The following METTL13 variants were observed in gnomAD, a reference collection of about 807,000 sequenced individuals.
METTL13 encodes the protein methyltransferase 13, eEF1A N-terminus and K55.
Under a neutral mutation model 67.4 loss-of-function variants are expected in METTL13, and 52 were observed. That is an observed-to-expected ratio of 0.77 (90% CI 0.62 to 0.97). METTL13 has a LOEUF of 0.97. METTL13 is among the 50% of genes least tolerant of loss of function. The probability of loss-of-function intolerance (pLI) is 0.00; values close to 1 mark genes in which losing one functional copy is unlikely to be tolerated. For synonymous variants in METTL13, 354 were observed against 353.6 expected, an observed-to-expected ratio of 1.00 and a Z score of -0.01; for missense variants, 825 against 889.6, an observed-to-expected ratio of 0.93 and a Z score of 0.92.
chr1:171,794,187 A>G (rs192797806), intron 6 of METTL13, among the ~76,000 whole-genome samples: 1 of 152,170 alleles, frequency 6.6e-6, no homozygotes, highest in Non-Finnish European at 1.5e-5. Context: ...AGAAGGTTCC[A>G]TCTTTACTAT....
At chr1:171,788,069 T>A in intron 4 of METTL13, 139 bp downstream of exon 4, 1 of 760,172 alleles carries the variant, frequency 1.3e-6, no homozygotes, top group Non-Finnish European at 2.2e-6. Context: ...TGTGAATAGC[T>A]ATAAGCAGAG....
rs772025024 is a variant in METTL13 at position 171,784,029 on chromosome 1, G to A, written c.443G>A (p.Arg148His). 16 of 1,614,090 alleles carry A rather than the reference G, an allele frequency of 9.9e-6. No individual in the cohort carries two copies. In the East Asian group the frequency reaches 1.1e-4, roughly 11 times the overall value. Residue 148 changes from arginine to histidine, a missense_variant, in exon 2 of 8, where the codon CGT becomes CAT. Coordinates refer to ENST00000361735, the MANE Select transcript of METTL13 (RefSeq NM_015935.5). ...QVDRMLAEVGRVLQVGGRYLC... is the reference protein window; with the variant it reads ...QVDRMLAEVGHVLQVGGRYLC... Reference sequence around the variant, plus strand: ...GACAGGATGCTGGCTGAGGTTGGCCGTGTCCTGCAGGTGGGCGGTCGCTAT... The same window carrying A: ...GACAGGATGCTGGCTGAGGTTGGCCATGTCCTGCAGGTGGGCGGTCGCTAT...
intron 4 of METTL13, among the ~76,000 whole-genome samples, chr1:171,789,948 G>T (rs576923826): frequency 3.9e-5 from 6 of 152,296 alleles, no homozygotes; most frequent in African/African-American, 1.4e-4. Flanking sequence ...GAATACCTGA[G>T]ACTGGATAAT....
rs745539182 is a variant in METTL13 at position 171,781,974 on chromosome 1, C to G, written c.7C>G (p.Leu3Val). Residue 3 changes from leucine (L) to valine (V), a missense_variant, in exon 1 of 8, where the codon CTC becomes GTC. Coordinates refer to ENST00000361735, the MANE Select transcript of METTL13 (RefSeq NM_015935.5). The part of the protein sequence containing the change: MN[L>V]LPKSSREFGS... ...CAGCTTCGGCAGTAGGAACATGAACCTCTTACCTAAAAGTTCCAGGGAGTT... is the reference window on the plus strand; with the variant it reads ...CAGCTTCGGCAGTAGGAACATGAACGTCTTACCTAAAAGTTCCAGGGAGTT... 1 of 1,614,116 alleles carries G rather than the reference C, an allele frequency of 6.2e-7. No individual in the cohort carries two copies. Among genetic ancestry groups the G allele is most frequent in the Non-Finnish European group, 8.5e-7 (1 of 1,180,012 alleles).
At chr1:171,786,196 G>T in intron 3 of METTL13, 118 bp downstream of exon 3, 1 of 1,125,180 alleles carries the variant, frequency 8.9e-7, no homozygotes, top group South Asian at 1.6e-5. Context: ...TCTAATCCTG[G>T]AGGGGTATCA....
At chr1:171,787,129 C>G (rs972947008) in intron 3 of METTL13, among the ~76,000 whole-genome samples, 3 of 151,914 alleles carry the variant, frequency 2.0e-5, no homozygotes, top group Non-Finnish European at 2.9e-5. Context: ...CTCACCAGTG[C>G]CTGAGTCTGC....
intron 3 of METTL13, 123 bp downstream of exon 3, chr1:171,786,201 G>C: frequency 1.9e-6 from 2 of 1,079,316 alleles, no homozygotes; most frequent in South Asian, 1.7e-5. Context: ...TCCTGGAGGG[G>C]TATCAGCAGC....
chr1:171,795,311 C>T (rs928632404), intron 7 of METTL13, among the ~76,000 whole-genome samples: 2 of 152,314 alleles, frequency 1.3e-5, no homozygotes, highest in East Asian at 3.9e-4. Context: ...ATAAGTGGTG[C>T]TGCCATTAAC....
At position 171,790,622 on chromosome 1, in the gene METTL13, A is replaced by G; in HGVS notation, c.1474+6A>G. 3 of 1,527,356 alleles carry G rather than the reference A, an allele frequency of 2.0e-6. No homozygotes were observed. The highest frequency in any genetic ancestry group is 1.3e-5 in the South Asian group (1 of 77,288). 94.6% of individuals were successfully genotyped at this position (1,527,356 alleles called of 1,614,324 possible). On this transcript the variant is annotated splice_donor_region_variant and intron_variant, in intron 5 of 7. Transcript: ENST00000361735. ...AAACCCAGAGCTACTCCTAGGTGAG[A>G]GAGATGCCACTGCCTTCCACAGAAG...
In METTL13 at chr1:171,797,071, A is replaced by C. The variant is rs2029864086; in HGVS notation, c.*315A>C. 1 of 304,230 alleles carries C rather than the reference A, an allele frequency of 3.3e-6. No homozygotes were observed. Among genetic ancestry groups the C allele is most frequent in the Non-Finnish European group, 6.2e-6 (1 of 161,624 alleles). The allele number at this position is 304,230 out of a possible 1,614,324, so 18.8% of individuals were successfully genotyped here. A position where few individuals can be genotyped will look rare whatever the true frequency, so the allele number is the denominator to read the frequency against. ...TAACAAGTGTGTGCAAGCCCCTCAG[A>C]ACTCAAGACATCCAAATTTTATTGC... On this transcript the variant is annotated 3_prime_UTR_variant, in exon 8 of 8. Transcript: ENST00000361735.
At position 171,781,741 on chromosome 1, in the gene METTL13, C is replaced by A; in HGVS notation, c.-227C>A. On this transcript the variant is annotated 5_prime_UTR_variant, in exon 1 of 8. Coordinates refer to ENST00000361735, the MANE Select transcript of METTL13 (RefSeq NM_015935.5). ...TCACGTGGGGAAGGAACAGCAGGCG[C>A]GGAGGAGGGGGCAAGCGTGTGTGAG... 2 of 1,329,598 alleles carry A rather than the reference C, an allele frequency of 1.5e-6. No individual in the cohort carries two copies. Among genetic ancestry groups the A allele is most frequent in the South Asian group, 3.5e-5 (2 of 57,590 alleles). The allele number at this position is 1,329,598 out of a possible 1,614,324, so 82.4% of individuals were successfully genotyped here. A position where few individuals can be genotyped will look rare whatever the true frequency, so the allele number is the denominator to read the frequency against.
chr1:171,793,309 G>A (rs1018386791), intron 6 of METTL13, among the ~76,000 whole-genome samples: 14 of 152,246 alleles, frequency 9.2e-5, no homozygotes, highest in African/African-American at 3.4e-4. Context: ...AGCCCAGATA[G>A]CTAATACGGT....
chr1:171,783,053 G>A (rs56365362), intron 1 of METTL13, among the ~76,000 whole-genome samples: 27,467 of 146,342 alleles, frequency 0.19, 2,651 homozygotes, highest in African/African-American at 0.21. Flanking sequence ...CTGAGGCCCC[G>A]AGAGCCACTT....
At chr1:171,791,952 C>G in intron 5 of METTL13, 65 bp from the exon 6 acceptor site, 1 of 1,567,440 alleles carries the variant, frequency 6.4e-7, no homozygotes, top group Non-Finnish European at 8.8e-7. Flanking sequence ...TTTGCCTTCC[C>G]TGAGGCTGGT....
chr1:171,794,641 A>G (rs1657308041), intron 7 of METTL13, 114 bp downstream of exon 7: 15 of 1,420,458 alleles, frequency 1.1e-5, no homozygotes, highest in Non-Finnish European at 1.4e-5. Flanking sequence ...CAAATTTAAT[A>G]CACCCATTTA....
chr1:171,787,691 T>C, intron 3 of METTL13, 44 bp from the exon 4 acceptor site: 1 of 1,567,964 alleles, frequency 6.4e-7, no homozygotes, highest in East Asian at 2.3e-5. Context: ...TCTTATTTCT[T>C]AAATGAGCTG....
intron 5 of METTL13, chr1:171,790,939 G>A (rs1398071626): frequency 1.6e-5 from 3 of 189,878 alleles, no homozygotes; most frequent in East Asian, 1.3e-4. Context: ...TTTCTGTAAT[G>A]CATTATTTGA....
intron 1 of METTL13, among the ~76,000 whole-genome samples, chr1:171,782,939 G>A (rs1221392725): frequency 1.3e-5 from 2 of 152,162 alleles, no homozygotes. Context: ...GAAGCTTTAT[G>A]TGCCAAGCCT....
In METTL13 at chr1:171,786,098, G is replaced by A; in HGVS notation, c.1113+20G>A. On this transcript the variant is annotated intron_variant, in intron 3 of 7. Coordinates refer to ENST00000361735, the MANE Select transcript of METTL13 (RefSeq NM_015935.5). ...CAGCAGGTAACAAAGCTTTCGTACG[G>A]CTTTCATGGGTCTCTGAAGTCATGT... The A allele has an allele frequency of 6.2e-7, 1 of 1,601,428 alleles. No homozygotes were observed. Among genetic ancestry groups the A allele is most frequent in the Non-Finnish European group, 8.5e-7 (1 of 1,173,140 alleles).
Sources: allele counts gnomAD v4.1 joint callset (sites outside exome capture counted in the v4.1 genomes callset), GRCh38; gene constraint gnomAD v4.1.1; transcripts MANE v1.5; gene names NCBI Gene and HGNC (gene_info 2026-07-23, HGNC 2026-07-21).